Variants in C18orf63 observed in about 807,000 individuals in gnomAD.
C18orf63 encodes uncharacterized protein C18orf63.
C18orf63 carries 50 observed loss-of-function variants against 75.3 expected under a neutral mutation model. That is an observed-to-expected ratio of 0.66 (90% confidence interval 0.53 to 0.84). The LOEUF (loss-of-function observed/expected upper bound fraction) is 0.84. C18orf63 is among the 40% of genes least tolerant of loss of function. C18orf63 has a pLI of 0.00. For missense variants in C18orf63, 732 were observed against 800.2 expected, an observed-to-expected ratio of 0.91 and a Z score of 1.03; for synonymous variants, 232 against 267.6, an observed-to-expected ratio of 0.87 and a Z score of 1.30.
At chr18:74,351,842 T>C (rs554309692) in intron 11 of C18orf63, among the ~76,000 whole-genome samples, 5 of 152,308 alleles carry the variant, frequency 3.3e-5, no homozygotes, top group Admixed American at 3.3e-4. Flanking sequence ...TCATTCAAGT[T>C]TGCATATTAT....
intron 4 of C18orf63, 52 bp downstream of exon 4, chr18:74,322,806 C>T (rs1328309710): frequency 9.9e-6 from 6 of 608,230 alleles, no homozygotes; most frequent in Admixed American, 3.6e-5. Context: ...AGGGATTATA[C>T]GTTCCACTCC....
chr18:74,327,163 A>G (rs1301604887), intron 4 of C18orf63, among the ~76,000 whole-genome samples: 3 of 152,138 alleles, frequency 2.0e-5, no homozygotes, highest in African/African-American at 4.8e-5. Context: ...AGTCTGAAGA[A>G]ACTCCCCAGG....
intron 11 of C18orf63, among the ~76,000 whole-genome samples, chr18:74,346,084 T>G (rs966507776): frequency 1.3e-5 from 2 of 152,084 alleles, no homozygotes; most frequent in African/African-American, 4.8e-5. Context: ...CTTTAATTTA[T>G]CTCAATAATA....
chr18:74,330,986 T>A (rs1366765399), intron 7 of C18orf63, 44 bp downstream of exon 7: 1 of 743,002 alleles, frequency 1.3e-6, no homozygotes, highest in African/African-American at 1.8e-5. Flanking sequence ...ATTTACTATA[T>A]ACTTTTTATA....
At chr18:74,339,379 A>G (rs1314792185) in intron 8 of C18orf63, among the ~76,000 whole-genome samples, 2 of 152,132 alleles carry the variant, frequency 1.3e-5, no homozygotes, top group African/African-American at 4.8e-5. Flanking sequence ...AACAATTACC[A>G]GCAATATCTT....
intron 11 of C18orf63, among the ~76,000 whole-genome samples, chr18:74,344,895 C>A (rs1291130066): frequency 6.6e-6 from 1 of 152,014 alleles, no homozygotes; most frequent in Non-Finnish European, 1.5e-5. Flanking sequence ...TTGTATATGT[C>A]TGCTGGTGCT....
chr18:74,356,014 G>A (rs1984758308), intron 13 of C18orf63, among the ~76,000 whole-genome samples: 1 of 152,036 alleles, frequency 6.6e-6, no homozygotes, highest in South Asian at 2.1e-4. Context: ...AACTGTGTTT[G>A]CCACTGCACT....
At chr18:74,355,183 T>G (rs1339674094) in intron 13 of C18orf63, among the ~76,000 whole-genome samples, 1 of 152,254 alleles carries the variant, frequency 6.6e-6, no homozygotes, top group Non-Finnish European at 1.5e-5. Context: ...AAGAACCAAC[T>G]AGAAAACATT....
At chr18:74,318,080 C>A in intron 2 of C18orf63, 81 bp downstream of exon 2, 2 of 822,196 alleles carry the variant, frequency 2.4e-6, no homozygotes, top group Non-Finnish European at 1.7e-6. Flanking sequence ...TTCTATAAAG[C>A]AAAATACTCA....
Position 74,356,968 on chromosome 18 carries a change from CAA to C in C18orf63, c.*523_*524del, listed in dbSNP as rs1249967819. The stretch of plus-strand genomic sequence containing the variant: ...ATCATATAATTTTACCCATAAACAC[CAA>C]AGTGTATATATTTCTAACATAAGAT... On this transcript the variant is annotated 3_prime_UTR_variant, in exon 14 of 14. Coordinates refer to ENST00000579455, the MANE Select transcript of C18orf63 (RefSeq NM_001174123.2). 1 of 151,776 alleles carries C rather than the reference CAA, an allele frequency of 6.6e-6. No homozygotes were observed. Among genetic ancestry groups the C allele is most frequent in the Non-Finnish European group, 1.5e-5 (1 of 67,964 alleles). The allele number at this position is 151,776 out of a possible 1,614,324, so 9.4% of individuals were successfully genotyped here.
In C18orf63 at chr18:74,353,739, A is replaced by G. The variant is rs1426436805; in HGVS notation, c.1472A>G (p.Tyr491Cys). The G allele has an allele frequency of 6.5e-7, 1 of 1,536,130 alleles. No homozygotes were observed. Among genetic ancestry groups the G allele is most frequent in the Admixed American group, 2.0e-5 (1 of 50,986 alleles). Residue 491 changes from tyrosine (Y) to cysteine (C), a missense_variant, in exon 12 of 14, where the codon TAT becomes TGT. Physicochemically the swap from Tyr to Cys is radical, Grantham distance 194. Coordinates refer to ENST00000579455, the MANE Select transcript of C18orf63 (RefSeq NM_001174123.2). ...LNLGPAIKNR[Y>C]SSNIQMQAAN... ...TTAGGTCCAGCTATAAAAAACCGTT[A>G]TAGTAGTAACATTCAGATGCAGGCT... is the stretch of plus-strand genomic sequence containing the variant.
chr18:74,322,931 G>A (rs1984148923), intron 4 of C18orf63, among the ~76,000 whole-genome samples, 177 bp downstream of exon 4: 1 of 152,120 alleles, frequency 6.6e-6, no homozygotes, highest in African/African-American at 2.4e-5. Context: ...TGCAGAAAGA[G>A]GAGAAGAGGC....
intron 13 of C18orf63, among the ~76,000 whole-genome samples, chr18:74,356,097 G>A (rs572885678): frequency 1.3e-5 from 2 of 152,228 alleles, no homozygotes; most frequent in South Asian, 2.1e-4. Context: ...ATTTCATCAG[G>A]TAGAAGGAAT....
intron 1 of C18orf63, among the ~76,000 whole-genome samples, chr18:74,316,662 G>T (rs1393439159): frequency 6.6e-6 from 1 of 152,158 alleles, no homozygotes; most frequent in Non-Finnish European, 1.5e-5. Context: ...ATGAAATCCT[G>T]GGACAGAAAC....
intron 11 of C18orf63, among the ~76,000 whole-genome samples, chr18:74,349,986 G>C (rs1250111737): frequency 1.3e-5 from 2 of 152,156 alleles, no homozygotes; most frequent in African/African-American, 4.8e-5. Context: ...GCTTTAGTCT[G>C]TATAGGAGCA....
At chr18:74,347,888 T>A (rs1459797691) in intron 11 of C18orf63, among the ~76,000 whole-genome samples, 2 of 152,162 alleles carry the variant, frequency 1.3e-5, no homozygotes, top group Non-Finnish European at 2.9e-5. Context: ...TTGACATATT[T>A]TTGGGTAGGG....
intron 11 of C18orf63, among the ~76,000 whole-genome samples, chr18:74,348,112 T>C (rs1984604436): frequency 6.6e-6 from 1 of 152,210 alleles, no homozygotes; most frequent in South Asian, 2.1e-4. Flanking sequence ...TTAGGAGTTT[T>C]ATTTAAATCA....
intron 11 of C18orf63, among the ~76,000 whole-genome samples, chr18:74,347,318 T>A (rs1010505042): frequency 6.6e-6 from 1 of 152,110 alleles, no homozygotes; most frequent in Non-Finnish European, 1.5e-5. Flanking sequence ...AAGGGAGAAG[T>A]CAAAAACAAA....
chr18:74,340,724 T>A (rs1477128843), intron 8 of C18orf63, among the ~76,000 whole-genome samples: 3 of 151,732 alleles, frequency 2.0e-5, no homozygotes, highest in Non-Finnish European at 4.4e-5. Context: ...ATCTAAGGAA[T>A]ATTATGTTAA....
Sources: allele counts gnomAD v4.1 joint callset (sites outside exome capture counted in the v4.1 genomes callset), GRCh38; gene constraint gnomAD v4.1.1; transcripts MANE v1.5; gene names NCBI Gene and HGNC (gene_info 2026-07-23, HGNC 2026-07-21).